The following PBLD variants were observed in gnomAD, a reference collection of about 807,000 sequenced individuals.
PBLD encodes the protein phenazine biosynthesis like protein domain containing.
In PBLD, 26 loss-of-function variants were observed where a neutral mutation model predicts 31.3. The observed-to-expected ratio is 0.83, with a 90% CI of 0.61 to 1.15. The LOEUF (loss-of-function observed/expected upper bound fraction) is 1.15. Ranked by LOEUF, PBLD falls within the 50% of genes most tolerant of loss-of-function variation. PBLD has a pLI of 0.00. For synonymous variants in PBLD, 114 were observed against 129.0 expected (o/e 0.88, Z 0.79); for missense variants, 307 against 351.7 (o/e 0.87, Z 1.02).
intron 4 of PBLD, 58 bp downstream of exon 4, chr10:68,296,208 C>T: frequency 7.7e-7 from 1 of 1,293,710 alleles, no homozygotes; most frequent in African/African-American, 1.5e-5. Flanking sequence ...TGTGTGAGAA[C>T]TTAAAAAAAA....
intron 8 of PBLD, among the ~76,000 whole-genome samples, chr10:68,285,881 A>C (rs978110595): frequency 1.8e-5 from 2 of 108,388 alleles, no homozygotes; most frequent in African/African-American, 5.9e-5. Context: ...GGGTTTCACC[A>C]TGTTGCCCAG....
At chr10:68,306,090 A>G (rs890974292) in intron 2 of PBLD, among the ~76,000 whole-genome samples, 1 of 152,092 alleles carries the variant, frequency 6.6e-6, no homozygotes, top group Non-Finnish European at 1.5e-5. Context: ...TTGAGGGTCA[A>G]TATTTAAATA....
chr10:68,286,288 A>T (rs931656609), intron 8 of PBLD, among the ~76,000 whole-genome samples: 1 of 151,412 alleles, frequency 6.6e-6, no homozygotes, highest in Non-Finnish European at 1.5e-5. Flanking sequence ...GGGTTTTACT[A>T]TGTTGGCCAG....
At chr10:68,313,797 T>A (rs1230847466) in intron 1 of PBLD, among the ~76,000 whole-genome samples, 2 of 152,172 alleles carry the variant, frequency 1.3e-5, no homozygotes, top group Non-Finnish European at 2.9e-5. Context: ...TACTTTGCAG[T>A]GGTAAAACCT....
At chr10:68,309,131 G>T (rs1266675927) in intron 1 of PBLD, among the ~76,000 whole-genome samples, 1 of 149,684 alleles carries the variant, frequency 6.7e-6, no homozygotes, top group Non-Finnish European at 1.5e-5. Context: ...TCATGGCCTG[G>T]TGCAGTGGCT....
intron 1 of PBLD, among the ~76,000 whole-genome samples, chr10:68,316,717 A>G (rs1246906349): frequency 6.6e-6 from 1 of 152,224 alleles, no homozygotes; most frequent in Non-Finnish European, 1.5e-5. Flanking sequence ...CTGCAGAAAG[A>G]AAATGACTGA....
chr10:68,286,531 G>C (rs2044290821), intron 8 of PBLD, among the ~76,000 whole-genome samples: 1 of 151,874 alleles, frequency 6.6e-6, no homozygotes, highest in Admixed American at 6.6e-5. Flanking sequence ...TAGAGACGTG[G>C]TCTCCCTATG....
rs754942337 is a variant in PBLD, at chr10:68,292,045, T to TG, written c.394-7dup. 6.3e-7 allele frequency: 1 copy of TG among 1,587,668 alleles called. No individual in the cohort carries two copies. On this transcript the variant is annotated splice_polypyrimidine_tract_variant and splice_region_variant and intron_variant, in intron 5 of 9. Transcript: ENST00000358769. Reference sequence around the variant, plus strand: ...TCCTCTACTTCATGGAAGTCCTAGATGGGGGGAAAAAAAACAAAATTATTA... The same window carrying TG: ...TCCTCTACTTCATGGAAGTCCTAGATGGGGGGGAAAAAAAACAAAATTATTA...
chr10:68,310,365 G>GTA (rs34887418), intron 1 of PBLD, among the ~76,000 whole-genome samples: 82,425 of 140,188 alleles, frequency 0.59, 25,681 homozygotes, highest in Non-Finnish European at 0.69. Context: ...ATGTTTTGAA[G>GTA]TATATATATA....
Position 68,292,144 on chromosome 10 carries a change from A to G in PBLD, c.378T>C (p.Tyr126=), listed in dbSNP as rs536690797. The change falls in exon 5 of 10, where the codon TAT becomes TAC. Residue 126 remains tyrosine, a synonymous_variant. Coordinates refer to ENST00000358769, the MANE Select transcript of PBLD (RefSeq NM_022129.4). The part of the protein sequence containing the change: ...EDGIVLDLPL[Y]PAHPQDFHEV... ...AAGAGCTGACCTGGGGGTGGGCTGG[A>G]TAAAGAGGCAAGTCCAGGACGATGC... 4 of 1,613,762 alleles carry G rather than the reference A, an allele frequency of 2.5e-6. No homozygotes were observed. Among genetic ancestry groups the G allele is most frequent in the Non-Finnish European group, 3.4e-6 (4 of 1,179,738 alleles).
At chr10:68,330,508 T>C (rs1244014861) in intron 1 of PBLD, among the ~76,000 whole-genome samples, 1 of 152,208 alleles carries the variant, frequency 6.6e-6, no homozygotes. Flanking sequence ...ACCCCACGTA[T>C]GTTCCTACCT....
chr10:68,288,332 G>C, intron 8 of PBLD, 151 bp downstream of exon 8: 1 of 805,596 alleles, frequency 1.2e-6, no homozygotes, highest in Non-Finnish European at 1.9e-6. Flanking sequence ...GAAGACTTCA[G>C]TGAAGGGATG....
At chr10:68,289,894 GA>G (rs2044336720) in intron 6 of PBLD, among the ~76,000 whole-genome samples, 2 of 152,138 alleles carry the variant, frequency 1.3e-5, no homozygotes, top group Admixed American at 6.5e-5. Flanking sequence ...TGGAAGGAGG[GA>G]CTAGAGGGCT....
intron 1 of PBLD, among the ~76,000 whole-genome samples, chr10:68,309,025 A>G (rs1441610940): frequency 6.7e-6 from 1 of 150,156 alleles, no homozygotes; most frequent in Non-Finnish European, 1.5e-5. Context: ...AGAGTGATGT[A>G]TATTTGTCCC....
chr10:68,297,347 G>A (rs1010907031), intron 2 of PBLD, among the ~76,000 whole-genome samples: 15 of 152,196 alleles, frequency 9.9e-5, no homozygotes, highest in Non-Finnish European at 1.6e-4. Flanking sequence ...TGGTGAAAGC[G>A]AGGTTCAGCA....
chr10:68,285,201 T>C, intron 9 of PBLD, 147 bp downstream of exon 9: 2 of 1,501,614 alleles, frequency 1.3e-6, no homozygotes, highest in African/African-American at 1.4e-5. Flanking sequence ...GGAGGATCTT[T>C]AAGGGTGAAG....
chr10:68,293,529 T>C (rs1258513133), intron 4 of PBLD, among the ~76,000 whole-genome samples: 2 of 152,236 alleles, frequency 1.3e-5, no homozygotes, highest in Non-Finnish European at 2.9e-5. Flanking sequence ...TTATTGAGCA[T>C]AAAATTGACA....
intron 1 of PBLD, among the ~76,000 whole-genome samples, chr10:68,318,524 TAAA>T (rs200095770): frequency 7.2e-6 from 1 of 139,500 alleles, no homozygotes. Context: ...CTGTCTCTTT[TAAA>T]AAAAAAAAAA....
At chr10:68,285,670 T>C (rs1296607121) in intron 8 of PBLD, among the ~76,000 whole-genome samples, 1 of 152,040 alleles carries the variant, frequency 6.6e-6, no homozygotes, top group African/African-American at 2.4e-5. Flanking sequence ...TCTTTTTATT[T>C]TATTTTATTT....
Sources: allele counts gnomAD v4.1 joint callset (sites outside exome capture counted in the v4.1 genomes callset), GRCh38; gene constraint gnomAD v4.1.1; transcripts MANE v1.5; gene names NCBI Gene and HGNC (gene_info 2026-07-23, HGNC 2026-07-21).